NEGR1: variants seen among roughly 807,000 people sequenced by gnomAD.
NEGR1 encodes the protein IgLON family member 4.
NEGR1 carries 10 observed loss-of-function variants against 40.9 expected under a neutral mutation model. The ratio of observed to expected loss-of-function variants is 0.24; its 90% CI spans 0.15 to 0.42. The LOEUF is 0.42. Among genes scored for constraint, NEGR1 ranks in the 10% least tolerant of loss-of-function variants. The probability of loss-of-function intolerance (pLI) is 1.00; values close to 1 mark genes in which losing one functional copy is unlikely to be tolerated. For missense variants in NEGR1, 352 were observed against 438.9 expected (o/e 0.80, Z 1.77); for synonymous variants, 185 against 166.8 (o/e 1.11, Z -0.84).
chr1:72,130,023 A>G (rs902843749), intron 1 of NEGR1, among the ~76,000 whole-genome samples: 11 of 152,156 alleles, frequency 7.2e-5, no homozygotes, highest in African/African-American at 2.4e-4. Flanking sequence ...TATTACTGTT[A>G]ATAAATAACC....
chr1:71,692,751 A>G (rs1653334231), intron 4 of NEGR1, among the ~76,000 whole-genome samples: 1 of 151,850 alleles, frequency 6.6e-6, no homozygotes, highest in South Asian at 2.1e-4. Flanking sequence ...GATAACGTGC[A>G]TATTTGCATA....
intron 2 of NEGR1, among the ~76,000 whole-genome samples, chr1:71,884,654 G>A (rs1660675340): frequency 6.6e-6 from 1 of 152,052 alleles, no homozygotes; most frequent in South Asian, 2.1e-4. Flanking sequence ...TTGGCATGCG[G>A]GAAATTGAGA....
At chr1:71,800,885 C>T (rs1206688351) in intron 2 of NEGR1, among the ~76,000 whole-genome samples, 1 of 152,114 alleles carries the variant, frequency 6.6e-6, no homozygotes, top group Non-Finnish European at 1.5e-5. Flanking sequence ...AACAAAAAAC[C>T]TCTTGAGCAA....
rs192220710 is a variant in NEGR1, at chr1:71,425,905, A to G, written c.941-18335T>C. ...AACACCAAACATTCCCCTGAGGCTC[A>G]TGATTACATAAGAGGGTCCTTCAGG... On this transcript the variant is annotated intron_variant, in intron 6 of 6. Coordinates refer to ENST00000357731, the MANE Select transcript of NEGR1 (RefSeq NM_173808.3). Among the ~76,000 whole-genome samples, 39 of 152,292 alleles carry G rather than the reference A, an allele frequency of 2.6e-4. No individual in the cohort carries two copies. In the East Asian group the frequency reaches 7.1e-3, roughly 28 times the overall value.
chr1:71,423,638 G>A (rs1646411117), intron 6 of NEGR1, among the ~76,000 whole-genome samples: 1 of 152,076 alleles, frequency 6.6e-6, no homozygotes, highest in African/African-American at 2.4e-5. Flanking sequence ...ACTTGCCATA[G>A]ATAACTTACT....
At chr1:71,827,589 T>A (rs912385158) in intron 2 of NEGR1, among the ~76,000 whole-genome samples, 5 of 151,954 alleles carry the variant, frequency 3.3e-5, no homozygotes, top group Non-Finnish European at 7.4e-5. Context: ...ATGTTTTTTA[T>A]TATTGTTCTC....
intron 4 of NEGR1, among the ~76,000 whole-genome samples, chr1:71,685,775 G>C (rs1053261357): frequency 6.6e-6 from 1 of 152,002 alleles, no homozygotes; most frequent in Non-Finnish European, 1.5e-5. Flanking sequence ...GTTTAAAAAA[G>C]TATAATCTTG....
At chr1:71,807,417 A>G (rs1181396351) in intron 2 of NEGR1, among the ~76,000 whole-genome samples, 1 of 152,120 alleles carries the variant, frequency 6.6e-6, no homozygotes, top group Non-Finnish European at 1.5e-5. Flanking sequence ...TAACAATAAA[A>G]CACCCTGTGA....
At chr1:72,034,317 A>G (rs898287486) in intron 1 of NEGR1, among the ~76,000 whole-genome samples, 7 of 152,312 alleles carry the variant, frequency 4.6e-5, no homozygotes, top group Middle Eastern at 3.4e-3. Flanking sequence ...TCCATTGTGC[A>G]TGCAGGTGTG....
chr1:71,534,569 A>C (rs953346507), intron 6 of NEGR1, among the ~76,000 whole-genome samples: 1 of 151,736 alleles, frequency 6.6e-6, no homozygotes, highest in African/African-American at 2.4e-5. Flanking sequence ...AGCTACAATT[A>C]AAAATTCAAA....
chr1:72,102,973 A>G (rs567670638), intron 1 of NEGR1, among the ~76,000 whole-genome samples: 2 of 152,242 alleles, frequency 1.3e-5, no homozygotes, highest in African/African-American at 4.8e-5. Flanking sequence ...GATAAGGGGA[A>G]TAAAGATACA....
chr1:71,453,669 G>A (rs542429711), intron 6 of NEGR1, among the ~76,000 whole-genome samples: 10 of 152,266 alleles, frequency 6.6e-5, no homozygotes, highest in African/African-American at 2.4e-4. Flanking sequence ...ATAAGATGTA[G>A]GGAAAAGAAA....
rs1014745705 is a variant in NEGR1, at chr1:71,703,752, G to C, written c.536-5613C>G. On this transcript the variant is annotated intron_variant, in intron 3 of 6. Transcript: ENST00000357731. The stretch of plus-strand genomic sequence containing the variant: ...TACATAACATTGCCAAATTGAAGCA[G>C]AGAGAGAAAAATACAAAAAACCAAA... Among the ~76,000 whole-genome samples, 5 of 151,784 alleles carry C rather than the reference G, an allele frequency of 3.3e-5. No individual in the cohort carries two copies. The East Asian group carries it at 9.6e-4, about 29-fold the overall frequency.
At chr1:71,612,323 T>C (rs933491496) in intron 4 of NEGR1, among the ~76,000 whole-genome samples, 12 of 152,244 alleles carry the variant, frequency 7.9e-5, no homozygotes, top group Admixed American at 4.6e-4. Context: ...CAGGGTTAAA[T>C]ATCTGATTCA....
intron 1 of NEGR1, among the ~76,000 whole-genome samples, chr1:71,946,700 A>G (rs1178768821): frequency 1.3e-5 from 2 of 152,162 alleles, no homozygotes; most frequent in Non-Finnish European, 1.5e-5. Flanking sequence ...ATAAATTAGC[A>G]TTAAAATATG....
intron 5 of NEGR1, among the ~76,000 whole-genome samples, chr1:71,597,815 A>G (rs895409137): frequency 6.6e-6 from 1 of 151,966 alleles, no homozygotes. Context: ...CGGAGGGCTG[A>G]GGCAGGAGAA....
At chr1:71,446,845 T>G (rs113071299) in intron 6 of NEGR1, among the ~76,000 whole-genome samples, 1 of 152,340 alleles carries the variant, frequency 6.6e-6, no homozygotes, top group Non-Finnish European at 1.5e-5. Flanking sequence ...TTATGTTGAC[T>G]TCTATTGGTG....
intron 6 of NEGR1, among the ~76,000 whole-genome samples, chr1:71,525,887 T>G (rs2101436874): frequency 6.6e-6 from 1 of 151,746 alleles, no homozygotes; most frequent in Non-Finnish European, 1.5e-5. Context: ...TACTTGTGAT[T>G]AGTACACGTG....
intron 3 of NEGR1, among the ~76,000 whole-genome samples, chr1:71,709,147 T>C (rs1339730100): frequency 1.3e-5 from 2 of 152,146 alleles, no homozygotes; most frequent in Non-Finnish European, 2.9e-5. Context: ...TATTTCTGGT[T>C]CTAGGTCTTT....
Sources: allele counts gnomAD v4.1 joint callset (sites outside exome capture counted in the v4.1 genomes callset), GRCh38; gene constraint gnomAD v4.1.1; transcripts MANE v1.5; gene names NCBI Gene and HGNC (gene_info 2026-07-23, HGNC 2026-07-21).